The following HIVEP3 variants were observed in gnomAD, a reference collection of about 807,000 sequenced individuals.
HIVEP3 encodes transcription factor HIVEP3.
HIVEP3 carries 49 observed loss-of-function variants against 152.8 expected under a neutral mutation model. That is an observed-to-expected ratio of 0.32 (90% CI 0.26 to 0.41). The LOEUF (loss-of-function observed/expected upper bound fraction) is 0.41, where lower values mean the gene tolerates loss of function less well. HIVEP3 is among the 10% of genes least tolerant of loss of function. The probability of loss-of-function intolerance (pLI) is 1.00; values close to 1 mark genes in which losing one functional copy is unlikely to be tolerated. For missense variants in HIVEP3, 2,790 were observed against 3,103.3 expected (o/e 0.90, Z 2.40); for synonymous variants, 1,269 against 1,289.0 (o/e 0.98, Z 0.33).
At position 41,664,115 on chromosome 1, in the gene HIVEP3, TCCTTCACAC is replaced by T. The variant is rs1444356917; in HGVS notation, c.-720-35177_-720-35169del. Among the ~76,000 whole-genome samples, 2 of 152,160 alleles carry T rather than the reference TCCTTCACAC, an allele frequency of 1.3e-5. No homozygotes were observed. Among genetic ancestry groups the T allele is most frequent in the Non-Finnish European group, 2.9e-5 (2 of 68,010 alleles). ...ATGTCTTCTCCACCCCCTCCAGCTG[TCCTTCACAC>T]CCTGAATCCAAGCCTGCCCTTGATA... On this transcript the variant is annotated intron_variant, in intron 2 of 8. Transcript: ENST00000372583. This position sits in a 1 kb window ranked among gnomAD's most constrained non-coding sequence, Gnocchi z 4.4.
chr1:41,582,420 G>T lies in HIVEP3; in HGVS notation c.2378C>A (p.Thr793Lys). 1.2e-6 allele frequency: 2 copies of T among 1,614,198 alleles called. No individual in the cohort carries two copies. Among genetic ancestry groups the T allele is most frequent in the South Asian group, 2.2e-5 (2 of 91,082 alleles). ...GSESGKERRT[T>K]SKEISVIQHT... ...CTGGATGACAGAAATTTCTTTGGAC[G>T]TTGTTCTCCTCTCCTTCCCTGATTC... is the stretch of plus-strand genomic sequence containing the variant. The change falls in exon 4 of 9, where the codon ACG (threonine) becomes AAG (lysine). Residue 793 changes from threonine (T) to lysine (K), a missense_variant. By Grantham distance (78) the Thr-to-Lys change is moderately conservative (BLOSUM62 -1). Around this residue, in one of 9 missense-constraint regions of HIVEP3, gnomAD observed 7 missense variants for 24.0 expected, o/e 0.29. Coordinates refer to ENST00000372583, the MANE Select transcript of HIVEP3 (RefSeq NM_024503.5). The surrounding 1 kb of genome is among the most constrained non-coding windows in gnomAD (Gnocchi z 4.7).
intron 1 of HIVEP3, among the ~76,000 whole-genome samples, chr1:41,952,235 T>C (rs2124492116): frequency 6.6e-6 from 1 of 152,266 alleles, no homozygotes; most frequent in Non-Finnish European, 1.5e-5. Context: ...ATCTTCATCA[T>C]CTCTTGCTTC....
At chr1:41,545,616 A>G (rs1569853547) in intron 5 of HIVEP3, among the ~76,000 whole-genome samples, 1 of 132,618 alleles carries the variant, frequency 7.5e-6, no homozygotes, top group East Asian at 2.5e-4. Context: ...CATCACCACC[A>G]CTACCATCAC....
At chr1:41,954,394 G>C (rs1285787036) in intron 1 of HIVEP3, among the ~76,000 whole-genome samples, 1 of 152,124 alleles carries the variant, frequency 6.6e-6, no homozygotes, top group Non-Finnish European at 1.5e-5. Context: ...TTTAAAAACG[G>C]ATTATTAAGA....
At chr1:41,946,238 G>A (rs1645074329) in intron 1 of HIVEP3, among the ~76,000 whole-genome samples, 1 of 152,214 alleles carries the variant, frequency 6.6e-6, no homozygotes, top group Admixed American at 6.5e-5. Flanking sequence ...AAGGCCTACT[G>A]CCCCAGGGGA....
At chr1:41,927,943 C>A (rs772396028) in intron 1 of HIVEP3, among the ~76,000 whole-genome samples, 56 of 151,668 alleles carry the variant, frequency 3.7e-4, no homozygotes, top group Admixed American at 6.6e-4. Context: ...TGCCTATAAT[C>A]CCAGCTACTC....
intron 1 of HIVEP3, among the ~76,000 whole-genome samples, chr1:41,724,269 G>C (rs1646720097): frequency 6.6e-6 from 1 of 152,206 alleles, no homozygotes; most frequent in African/African-American, 2.4e-5. Context: ...TAAGTCTTCT[G>C]TATGTTCCCA....
chr1:41,680,624 T>C (rs731862), intron 2 of HIVEP3, among the ~76,000 whole-genome samples: 36,052 of 152,192 alleles, frequency 0.24, 5,138 homozygotes, highest in South Asian at 0.33. Context: ...TGCTCTGCTC[T>C]GTGATTCTCA....
intron 5 of HIVEP3, among the ~76,000 whole-genome samples, chr1:41,569,314 T>C (rs1644217822): frequency 6.6e-6 from 1 of 152,120 alleles, no homozygotes; most frequent in Non-Finnish European, 1.5e-5. Context: ...TCTACCTATG[T>C]TATACATTTC....
chr1:41,874,015 C>T (rs1459608144), intron 1 of HIVEP3, among the ~76,000 whole-genome samples: 4 of 152,216 alleles, frequency 2.6e-5, no homozygotes, highest in East Asian at 3.8e-4. Flanking sequence ...GGGGCAGTAT[C>T]CCCAGTGTCT....
intron 1 of HIVEP3, among the ~76,000 whole-genome samples, chr1:41,803,102 C>G (rs1650400807): frequency 6.6e-6 from 1 of 152,206 alleles, no homozygotes; most frequent in Non-Finnish European, 1.5e-5. Flanking sequence ...CAGGCCTGGC[C>G]AAAGCCAAGG....
chr1:41,677,021 A>G (rs530440216), intron 2 of HIVEP3, among the ~76,000 whole-genome samples: 2 of 151,780 alleles, frequency 1.3e-5, no homozygotes, highest in South Asian at 4.2e-4. Flanking sequence ...AAAGCAGCAG[A>G]TGAGACTGAG....
intron 1 of HIVEP3, among the ~76,000 whole-genome samples, chr1:41,777,330 C>A (rs544582567): frequency 1.3e-5 from 2 of 152,316 alleles, no homozygotes; most frequent in Admixed American, 6.5e-5. Flanking sequence ...CCAGCTGTTC[C>A]GGCCACGCAG....
intron 1 of HIVEP3, among the ~76,000 whole-genome samples, chr1:41,747,406 C>T (rs1647088992): frequency 6.6e-6 from 1 of 152,206 alleles, no homozygotes; most frequent in Non-Finnish European, 1.5e-5. Context: ...ACCTCCAAAG[C>T]TACTGGCAAC....
In HIVEP3 at chr1:41,511,144, G is replaced by A; in HGVS notation, c.6528C>T (p.Ile2176=). The change falls in exon 9 of 9, where the codon ATC becomes ATT. Residue 2176 remains isoleucine (I), a synonymous_variant. Coordinates refer to ENST00000372583, the MANE Select transcript of HIVEP3 (RefSeq NM_024503.5). This position sits in a 1 kb window ranked among gnomAD's most constrained non-coding sequence, Gnocchi z 4.9. ...GHILARTEEN[I]FSHLPLHSQH... ...GGGAGTGCAGAGGCAGGTGGCTGAA[G>A]ATGTTCTCCTCTGTCCGGGCCAGGA... The A allele has an allele frequency of 6.2e-7, 1 of 1,614,218 alleles. No homozygotes were observed. Among genetic ancestry groups the A allele is most frequent in the Non-Finnish European group, 8.5e-7 (1 of 1,180,034 alleles).
At chr1:41,826,735 G>C (rs560985797) in intron 1 of HIVEP3, among the ~76,000 whole-genome samples, 1 of 152,202 alleles carries the variant, frequency 6.6e-6, no homozygotes, top group African/African-American at 2.4e-5. Context: ...AGACGTGGTT[G>C]TGAGTTGTCT....
chr1:41,745,615 C>T (rs1329111621), intron 1 of HIVEP3, among the ~76,000 whole-genome samples: 2 of 152,218 alleles, frequency 1.3e-5, no homozygotes, highest in African/African-American at 4.8e-5. Context: ...TTGCTATAGA[C>T]ATACCACGTG....
chr1:41,999,321 C>T (rs1285770817), intron 1 of HIVEP3, among the ~76,000 whole-genome samples: 5 of 152,134 alleles, frequency 3.3e-5, no homozygotes, highest in Non-Finnish European at 5.9e-5. Flanking sequence ...GAATCAGATT[C>T]TCATTCTTGA....
chr1:41,649,453 A>G (rs1159588965), intron 2 of HIVEP3, among the ~76,000 whole-genome samples: 1 of 152,226 alleles, frequency 6.6e-6, no homozygotes, highest in African/African-American at 2.4e-5. Context: ...CCCTCTAAAA[A>G]GGGCTCAATA....
Sources: gnomAD v4.1 joint callset for allele counts (sites outside exome capture counted in the v4.1 genomes callset) on GRCh38, gnomAD v4.1.1 for gene constraint, gnomAD v4.1.1 regional missense constraint, Gnocchi (gnomAD v3.1) non-coding constraint, MANE v1.5 for transcripts, NCBI Gene and HGNC (gene_info 2026-07-23, HGNC 2026-07-21) for gene names.